Variants in RIN2 observed in about 807,000 individuals in gnomAD.
The protein encoded by RIN2 is RAB5 interacting protein 2.
Under a neutral mutation model 78.0 loss-of-function variants are expected in RIN2, and 36 were observed. That is an observed-to-expected ratio of 0.46 (90% confidence interval 0.35 to 0.61). The LOEUF (loss-of-function observed/expected upper bound fraction) is 0.61. Among genes scored for constraint, RIN2 ranks in the 20% least tolerant of loss-of-function variants. The pLI is 0.00. For missense variants in RIN2, 1,087 were observed against 1,159.7 expected, an observed-to-expected ratio of 0.94 and a Z score of 0.91; for synonymous variants, 466 against 466.8, an observed-to-expected ratio of 1.00 and a Z score of 0.02.
chr20:19,941,001 G>T (rs2040849110), intron 4 of RIN2, among the ~76,000 whole-genome samples: 1 of 152,162 alleles, frequency 6.6e-6, no homozygotes, highest in Non-Finnish European at 1.5e-5. Flanking sequence ...CCACTCTCCT[G>T]TAGCTGTCAC....
chr20:19,982,617 T>C (rs868244426), intron 9 of RIN2, among the ~76,000 whole-genome samples: 1 of 152,178 alleles, frequency 6.6e-6, no homozygotes, highest in Non-Finnish European at 1.5e-5. Context: ...TATTTCTTAA[T>C]ATCTCTGTGC....
intron 6 of RIN2, among the ~76,000 whole-genome samples, chr20:19,963,650 G>A (rs1056630966): frequency 6.6e-6 from 1 of 151,188 alleles, no homozygotes; most frequent in African/African-American, 2.4e-5. Flanking sequence ...ATAAATGAGG[G>A]TATGAGTGAG....
intron 4 of RIN2, among the ~76,000 whole-genome samples, chr20:19,939,088 A>T (rs1212381495): frequency 6.6e-6 from 1 of 152,136 alleles, no homozygotes; most frequent in East Asian, 1.9e-4. Flanking sequence ...TGTTGCCTAG[A>T]GCTGGAGTGC....
At chr20:19,764,660 C>G (rs1256044615) in intron 1 of RIN2, among the ~76,000 whole-genome samples, 1 of 152,182 alleles carries the variant, frequency 6.6e-6, no homozygotes, top group Non-Finnish European at 1.5e-5. Flanking sequence ...GCATAGAAAA[C>G]CTTTCCACTT....
At chr20:19,947,955 T>A (rs1256178334) in intron 4 of RIN2, among the ~76,000 whole-genome samples, 1 of 152,240 alleles carries the variant, frequency 6.6e-6, no homozygotes, top group East Asian at 1.9e-4. Context: ...AAGTCCTGTC[T>A]AGGGCCAGGG....
intron 4 of RIN2, among the ~76,000 whole-genome samples, chr20:19,946,228 C>CT (rs1234954940): frequency 1.3e-5 from 2 of 152,076 alleles, no homozygotes; most frequent in African/African-American, 4.8e-5. Flanking sequence ...GGTAGGGGCC[C>CT]TGGAGGTGTG....
chr20:19,812,136 G>A (rs137926476), intron 2 of RIN2, among the ~76,000 whole-genome samples: 261 of 151,970 alleles, frequency 1.7e-3, no homozygotes, highest in Middle Eastern at 6.9e-3. Flanking sequence ...CATTTGGACT[G>A]TTTTTAATTT....
chr20:19,991,743 G>C (rs558350539), intron 10 of RIN2, among the ~76,000 whole-genome samples: 4 of 152,312 alleles, frequency 2.6e-5, no homozygotes, highest in South Asian at 4.1e-4. Flanking sequence ...CCTGGTTTGA[G>C]TTTGACCTTG....
At chr20:19,994,823 G>A (rs1203629302) in intron 11 of RIN2, among the ~76,000 whole-genome samples, 1 of 152,172 alleles carries the variant, frequency 6.6e-6, no homozygotes, top group African/African-American at 2.4e-5. Flanking sequence ...ATTTGGTAAA[G>A]ATCAACAATT....
chr20:19,906,308 G>T (rs142262290), intron 3 of RIN2, among the ~76,000 whole-genome samples: 2 of 152,122 alleles, frequency 1.3e-5, no homozygotes, highest in Non-Finnish European at 2.9e-5. Context: ...AATTAGCCAG[G>T]CATGGTGGCA....
At chr20:19,780,308 A>T (rs537693651) in intron 1 of RIN2, among the ~76,000 whole-genome samples, 8 of 152,354 alleles carry the variant, frequency 5.3e-5, no homozygotes, top group African/African-American at 1.9e-4. Context: ...ACAGCTTCCG[A>T]TAGTGGTCCC....
chr20:19,970,876 T>A lies in RIN2; in HGVS notation c.575T>A (p.Ile192Asn). The A allele has an allele frequency of 6.2e-7, 1 of 1,613,756 alleles. No individual in the cohort carries two copies. The highest frequency in any genetic ancestry group is 8.5e-7 in the Non-Finnish European group (1 of 1,179,816). ...LPFTLKLPYAISTAKSEAQLE... is the reference protein window; with the variant it reads ...LPFTLKLPYANSTAKSEAQLE... ...TTTACCTTGAAGTTGCCTTATGCCA[T>A]TTCAACAGCCAAGTCGGAGGCTCAG... Residue 192 changes from isoleucine (I) to asparagine (N), a missense_variant, in exon 8 of 13, where the codon ATT (isoleucine) becomes AAT (asparagine). Transcript: ENST00000255006.
chr20:19,995,327 C>A (rs2042926559), intron 11 of RIN2, among the ~76,000 whole-genome samples: 1 of 148,816 alleles, frequency 6.7e-6, no homozygotes, highest in East Asian at 2.0e-4. Flanking sequence ...GATTCTATTT[C>A]TTACAAACCT....
intron 2 of RIN2, among the ~76,000 whole-genome samples, chr20:19,833,283 T>A (rs868427770): frequency 8.6e-5 from 13 of 151,008 alleles, no homozygotes; most frequent in African/African-American, 2.9e-4. Flanking sequence ...TAGATATAGG[T>A]TATATATATA....
At chr20:19,964,739 C>T (rs1163756676) in intron 6 of RIN2, among the ~76,000 whole-genome samples, 1 of 152,214 alleles carries the variant, frequency 6.6e-6, no homozygotes, top group Non-Finnish European at 1.5e-5. Context: ...GGAGCATGTG[C>T]TCGGCATGAG....
At chr20:19,912,266 A>T (rs900821009) in intron 3 of RIN2, among the ~76,000 whole-genome samples, 59 of 152,214 alleles carry the variant, frequency 3.9e-4, no homozygotes, top group African/African-American at 1.3e-3. Flanking sequence ...GCTTAAAGAC[A>T]CAAAGGAAGG....
chr20:19,906,789 A>G (rs2123689671), intron 3 of RIN2, among the ~76,000 whole-genome samples: 1 of 152,310 alleles, frequency 6.6e-6, no homozygotes, highest in African/African-American at 2.4e-5. Context: ...TTTAACTCTA[A>G]AAGACAAGAC....
chr20:19,990,049 C>A lies in RIN2; in HGVS notation c.1806C>A (p.Pro602=). 2 of 1,599,584 alleles carry A rather than the reference C, an allele frequency of 1.3e-6. No homozygotes were observed. The highest frequency in any genetic ancestry group is 2.3e-5 in the East Asian group (1 of 44,392). ...CCATGCACAAGTGCATCTTGAAGCC[C>A]CTCAAGGGGCACGTGGAGGCCATGC... is the stretch of plus-strand genomic sequence containing the variant. ...EKAMHKCILK[P]LKGHVEAMLK... is the part of the protein sequence containing the mutation. Residue 602 remains proline, a synonymous_variant, in exon 10 of 13, where the codon CCC becomes CCA. Coordinates refer to ENST00000255006, the MANE Select transcript of RIN2 (RefSeq NM_018993.4).
At chr20:19,981,363 A>C (rs6035498) in intron 9 of RIN2, among the ~76,000 whole-genome samples, 1 of 152,124 alleles carries the variant, frequency 6.6e-6, no homozygotes, top group Admixed American at 6.5e-5. Context: ...GACCCAGGCC[A>C]TGTATGCCAG....
Sources: gnomAD v4.1 joint callset for allele counts (sites outside exome capture counted in the v4.1 genomes callset) on GRCh38, gnomAD v4.1.1 for gene constraint, MANE v1.5 for transcripts, NCBI Gene and HGNC (gene_info 2026-07-23, HGNC 2026-07-21) for gene names.